SPACA7: variants seen among roughly 807,000 people sequenced by gnomAD.
The protein encoded by SPACA7 is sperm acrosome-associated protein 7.
In SPACA7, 19 loss-of-function variants were observed where a neutral mutation model predicts 26.3. The ratio of observed to expected loss-of-function variants is 0.72; its 90% confidence interval spans 0.50 to 1.06. SPACA7 has a LOEUF of 1.06. SPACA7 is among the 50% of genes least tolerant of loss of function. The pLI, the probability that SPACA7 is intolerant of heterozygous loss-of-function variation, is 0.00. For missense variants in SPACA7, 211 were observed against 229.9 expected, an observed-to-expected ratio of 0.92 and a Z score of 0.53; for synonymous variants, 84 against 84.5, an observed-to-expected ratio of 0.99 and a Z score of 0.04.
intron 5 of SPACA7, among the ~76,000 whole-genome samples, chr13:112,411,205 A>G (rs1886329560): frequency 6.6e-6 from 1 of 151,758 alleles, no homozygotes; most frequent in Non-Finnish European, 1.5e-5. Flanking sequence ...AAGAAAGTTT[A>G]TATTTTTGTT....
intron 1 of SPACA7, among the ~76,000 whole-genome samples, chr13:112,381,294 A>G (rs1211489576): frequency 1.3e-5 from 2 of 152,094 alleles, no homozygotes; most frequent in Admixed American, 6.6e-5. Context: ...ATTTAAAACC[A>G]GCCTGGGAAA....
chr13:112,384,900 T>G (rs1176118317), intron 1 of SPACA7, among the ~76,000 whole-genome samples: 1 of 152,218 alleles, frequency 6.6e-6, no homozygotes, highest in Admixed American at 6.5e-5. Context: ...TGGTGCATTT[T>G]TAATGTTGAA....
chr13:112,397,764 G>A (rs1378815346), intron 2 of SPACA7, among the ~76,000 whole-genome samples: 1 of 152,238 alleles, frequency 6.6e-6, no homozygotes, highest in Non-Finnish European at 1.5e-5. Context: ...TTAGGACCAC[G>A]TGTGGGCCAA....
chr13:112,378,714 C>G (rs1025024452), intron 1 of SPACA7: 1 of 471,172 alleles, frequency 2.1e-6, no homozygotes, highest in African/African-American at 2.0e-5. Flanking sequence ...GATGGGGACC[C>G]GGTGAGCCAG....
intron 5 of SPACA7, among the ~76,000 whole-genome samples, chr13:112,410,614 C>T (rs2139001262): frequency 1.3e-5 from 2 of 152,046 alleles, no homozygotes; most frequent in Middle Eastern, 6.8e-3. Flanking sequence ...TTATATGACG[C>T]ACCTGAGTAG....
intron 5 of SPACA7, among the ~76,000 whole-genome samples, chr13:112,424,076 A>G (rs1224894203): frequency 6.6e-6 from 1 of 152,218 alleles, no homozygotes; most frequent in African/African-American, 2.4e-5. Context: ...AGCAAGATGC[A>G]GGAGGCAGGG....
intron 5 of SPACA7, among the ~76,000 whole-genome samples, chr13:112,412,806 T>C (rs1414912469): frequency 6.6e-6 from 1 of 152,206 alleles, no homozygotes; most frequent in East Asian, 1.9e-4. Context: ...TTCTGTCTCC[T>C]TGGTCTATGT....
intron 5 of SPACA7, among the ~76,000 whole-genome samples, chr13:112,402,429 T>C (rs2081805739): frequency 6.6e-6 from 1 of 152,242 alleles, no homozygotes; most frequent in South Asian, 2.1e-4. Flanking sequence ...AGCTTTATCA[T>C]TGATTATCTA....
At chr13:112,420,060 T>A (rs1376857755) in intron 5 of SPACA7, among the ~76,000 whole-genome samples, 5 of 152,198 alleles carry the variant, frequency 3.3e-5, no homozygotes, top group Non-Finnish European at 7.4e-5. Flanking sequence ...AAGCCAGACC[T>A]ACCTCTGACA....
chr13:112,418,748 G>C (rs1311240784), intron 5 of SPACA7, among the ~76,000 whole-genome samples: 1 of 152,140 alleles, frequency 6.6e-6, no homozygotes. Context: ...TAAGCAGCAG[G>C]CAAAATAATA....
chr13:112,386,942 G>A (rs528809914), intron 1 of SPACA7, among the ~76,000 whole-genome samples: 189 of 152,210 alleles, frequency 1.2e-3, no homozygotes, highest in Non-Finnish European at 2.3e-3. Context: ...TCAGAGAAAG[G>A]AAAATTCAAG....
In SPACA7 at chr13:112,432,527, T is replaced by A; in HGVS notation, c.523+6T>A. The A allele has an allele frequency of 6.3e-7, 1 of 1,578,796 alleles. No individual in the cohort carries two copies. Among genetic ancestry groups the A allele is most frequent in the Non-Finnish European group, 8.7e-7 (1 of 1,147,794 alleles). ...AAATATTGGAAGATCTTCAGGTAGA[T>A]TGGAAATAATAGATAAGTGTCTTCT... On this transcript the variant is annotated splice_donor_region_variant and intron_variant, in intron 6 of 6. Transcript: ENST00000283550.
intron 5 of SPACA7, among the ~76,000 whole-genome samples, chr13:112,422,994 T>C (rs1876139176): frequency 6.6e-6 from 1 of 152,322 alleles, no homozygotes; most frequent in East Asian, 1.9e-4. Context: ...ACATTACATA[T>C]AGGAATGCTA....
chr13:112,383,121 AAAAGAAAGAAAG>A (rs1233884331), intron 1 of SPACA7, among the ~76,000 whole-genome samples: 3,908 of 33,768 alleles, frequency 0.12, 190 homozygotes, highest in East Asian at 0.14. Context: ...AAAAGAAAAG[AAAAGAAAGAAAG>A]AAAGAAAGAA....
chr13:112,424,134 C>T (rs190162468), intron 5 of SPACA7, among the ~76,000 whole-genome samples: 3 of 152,326 alleles, frequency 2.0e-5, no homozygotes, highest in Admixed American at 2.0e-4. Context: ...CAAGGACCCC[C>T]CTGGGTGAAG....
In SPACA7 at chr13:112,389,656, T is replaced by C. The variant is rs117755915; in HGVS notation, c.95-3365T>C. On this transcript the variant is annotated intron_variant, in intron 1 of 6. Transcript: ENST00000283550. ...GCAATACCATCCAGAGGTAGAAAAA[T>C]ATCACATATATGTAACATAGGTACA... Among the ~76,000 whole-genome samples, 21 of 152,230 alleles carry C rather than the reference T, an allele frequency of 1.4e-4. No individual in the cohort carries two copies. The East Asian group carries it at 3.7e-3, about 27-fold the overall frequency.
chr13:112,408,788 C>T (rs9550076), intron 5 of SPACA7, among the ~76,000 whole-genome samples: 2 of 151,894 alleles, frequency 1.3e-5, no homozygotes, highest in Non-Finnish European at 1.5e-5. Flanking sequence ...GGCCATACTG[C>T]CCAAGGTAAT....
intron 5 of SPACA7, among the ~76,000 whole-genome samples, chr13:112,411,357 G>A (rs978982242): frequency 5.9e-5 from 9 of 151,806 alleles, no homozygotes; most frequent in African/African-American, 2.2e-4. Flanking sequence ...TTAACATTTT[G>A]CTATATGCAT....
At chr13:112,379,819 T>G (rs930065258) in intron 1 of SPACA7, among the ~76,000 whole-genome samples, 1 of 152,186 alleles carries the variant, frequency 6.6e-6, no homozygotes, top group Non-Finnish European at 1.5e-5. Flanking sequence ...TTGGATGAAG[T>G]TGTCAAAAAT....
Sources: gnomAD v4.1 joint callset for allele counts (sites outside exome capture counted in the v4.1 genomes callset) on GRCh38, gnomAD v4.1.1 for gene constraint, MANE v1.5 for transcripts, NCBI Gene and HGNC (gene_info 2026-07-23, HGNC 2026-07-21) for gene names.